The following MYT1L variants were observed in gnomAD, a reference collection of about 807,000 sequenced individuals.
The protein encoded by MYT1L is myelin transcription factor 1 like.
A neutral mutation model predicts 126.7 loss-of-function variants in MYT1L; 12 were observed. The ratio of observed to expected loss-of-function variants is 0.09; its 90% CI spans 0.06 to 0.15. The LOEUF (loss-of-function observed/expected upper bound fraction) is 0.15, where lower values mean the gene tolerates loss of function less well. Among genes scored for constraint, MYT1L ranks in the 10% least tolerant of loss-of-function variants. The pLI, the probability that MYT1L is intolerant of heterozygous loss-of-function variation, is 1.00. For missense variants in MYT1L, 979 were observed against 1,585.2 expected, an observed-to-expected ratio of 0.62 and a Z score of 6.49; for synonymous variants, 541 against 604.2, an observed-to-expected ratio of 0.90 and a Z score of 1.53.
At chr2:2,012,191 G>A (rs758688383) in intron 4 of MYT1L, among the ~76,000 whole-genome samples, 1 of 152,204 alleles carries the variant, frequency 6.6e-6, no homozygotes, top group Non-Finnish European at 1.5e-5. Flanking sequence ...ATCTACTGAT[G>A]AATGGACAAA....
rs182861434 is a variant in MYT1L at position 1,811,723 on chromosome 2, T to C, written c.3081-2556A>G. Among the ~76,000 whole-genome samples, 15 of 152,248 alleles carry C rather than the reference T, an allele frequency of 9.9e-5. No homozygotes were observed. Among genetic ancestry groups the C allele is most frequent in the African/African-American group, 3.6e-4 (15 of 41,538 alleles). ...AATCCCTGTGCTACTCAAGCTGTCT[T>C]TAGTGTGGGGCGTGAACGAACCCCT... On this transcript the variant is annotated intron_variant, in intron 21 of 24. Coordinates refer to ENST00000647738, the MANE Select transcript of MYT1L (RefSeq NM_001303052.2). The surrounding 1 kb of genome is among the most constrained non-coding windows in gnomAD (Gnocchi z 4.4).
intron 18 of MYT1L, among the ~76,000 whole-genome samples, chr2:1,876,985 C>T (rs1185560420): frequency 6.6e-6 from 1 of 152,188 alleles, no homozygotes; most frequent in Non-Finnish European, 1.5e-5. Flanking sequence ...TGACCAGGGT[C>T]CCACGGGAGG....
chr2:2,321,705 TA>T (rs897466713), intron 1 of MYT1L, among the ~76,000 whole-genome samples: 18 of 150,900 alleles, frequency 1.2e-4, no homozygotes, highest in East Asian at 7.7e-4. Flanking sequence ...GTCAATGTAC[TA>T]AAAAAAAAGA....
In MYT1L at chr2:2,146,700, A is replaced by T. The variant is rs74731318; in HGVS notation, c.-304+26172T>A. The stretch of plus-strand genomic sequence containing the variant: ...AACAAGTGCATCTACACAGTGAACA[A>T]TTTCCTATTGTTTCCATGCTTACTC... On this transcript the variant is annotated intron_variant, in intron 3 of 24. Transcript: ENST00000647738. Among the ~76,000 whole-genome samples the T allele has an allele frequency of 6.1e-3, 922 of 152,288 alleles. 12 individuals carry two copies. The highest frequency in any genetic ancestry group is 0.021 in the African/African-American group (887 of 41,550).
intron 2 of MYT1L, among the ~76,000 whole-genome samples, chr2:2,251,966 C>T (rs1228578942): frequency 6.6e-6 from 1 of 151,914 alleles, no homozygotes; most frequent in Non-Finnish European, 1.5e-5. Flanking sequence ...CAAGGCAAGG[C>T]AGGCAATGGG....
chr2:1,808,348 C>T (rs145457773), intron 22 of MYT1L, among the ~76,000 whole-genome samples: 3 of 152,304 alleles, frequency 2.0e-5, no homozygotes, highest in Admixed American at 6.5e-5. Context: ...CATCACAGCC[C>T]CCTGCCCTTA....
At chr2:2,192,854 A>T (rs1257295111) in intron 2 of MYT1L, among the ~76,000 whole-genome samples, 1 of 152,180 alleles carries the variant, frequency 6.6e-6, no homozygotes, top group Non-Finnish European at 1.5e-5. Flanking sequence ...CTAGCCAACG[A>T]GTCAAGGCTT....
At chr2:1,814,031 A>AG in intron 21 of MYT1L, among the ~76,000 whole-genome samples, 1 of 147,724 alleles carries the variant, frequency 6.8e-6, no homozygotes, top group Admixed American at 6.7e-5. Flanking sequence ...CGTCCCCAAA[A>AG]AAAAAAAAAA....
intron 20 of MYT1L, 78 bp from the exon 21 acceptor site, chr2:1,839,448 C>G: frequency 1.5e-6 from 2 of 1,313,002 alleles, no homozygotes; most frequent in East Asian, 2.3e-5. Context: ...GTCAGAATAA[C>G]CCGGCATGAA....
chr2:2,140,680 G>A (rs1024054587), intron 3 of MYT1L, among the ~76,000 whole-genome samples: 15 of 151,930 alleles, frequency 9.9e-5, no homozygotes, highest in South Asian at 2.1e-4. Flanking sequence ...ATGATCCGCC[G>A]CCTCGGCCTC....
intron 3 of MYT1L, among the ~76,000 whole-genome samples, chr2:2,087,081 T>A (rs1467592334): frequency 3.3e-5 from 5 of 152,182 alleles, no homozygotes; most frequent in Admixed American, 6.5e-5. Context: ...CACTGTCCCC[T>A]GCAACCAGGA....
At chr2:2,053,419 T>C (rs548055712) in intron 4 of MYT1L, among the ~76,000 whole-genome samples, 1 of 152,244 alleles carries the variant, frequency 6.6e-6, no homozygotes, top group Non-Finnish European at 1.5e-5. Context: ...TCATGTTATA[T>C]GTATTTTACA....
intron 13 of MYT1L, among the ~76,000 whole-genome samples, chr2:1,909,004 T>G (rs1028997933): frequency 2.6e-5 from 4 of 152,220 alleles, no homozygotes; most frequent in Admixed American, 2.0e-4. Flanking sequence ...GAAGGGAGTT[T>G]AATTACTACG....
In MYT1L at chr2:1,956,976, G is replaced by T. The variant is rs1240639102; in HGVS notation, c.153-13642C>A. On this transcript the variant is annotated intron_variant, in intron 8 of 24. Coordinates refer to ENST00000647738, the MANE Select transcript of MYT1L (RefSeq NM_001303052.2). ...AGTATCTCCATTCCATCTGTCTGCA[G>T]CCCGTGGCTCTGTGTGAGCAGGAAG... Among the ~76,000 whole-genome samples the T allele has an allele frequency of 8.5e-5, 13 of 152,198 alleles. No individual in the cohort carries two copies. In the East Asian group the frequency reaches 2.3e-3, roughly 27 times the overall value.
At chr2:2,004,462 A>G (rs1254359135) in intron 4 of MYT1L, among the ~76,000 whole-genome samples, 15 of 56,196 alleles carry the variant, frequency 2.7e-4, no homozygotes, top group Non-Finnish European at 3.9e-4. Flanking sequence ...TTCTTTCCTG[A>G]ATATGTTCTT....
At chr2:2,016,315 G>T (rs555977827) in intron 4 of MYT1L, among the ~76,000 whole-genome samples, 18 of 152,282 alleles carry the variant, frequency 1.2e-4, no homozygotes, top group African/African-American at 3.8e-4. Flanking sequence ...GGGTCAGGAA[G>T]TGGCTGTTTC....
chr2:2,081,218 G>A (rs779726253), intron 3 of MYT1L, among the ~76,000 whole-genome samples: 6 of 152,198 alleles, frequency 3.9e-5, no homozygotes, highest in Non-Finnish European at 8.8e-5. Context: ...AGACAGCAAA[G>A]GGAAAACAGG....
Position 2,299,517 on chromosome 2 carries a change from T to C in MYT1L, c.-520-15014A>G, listed in dbSNP as rs144965653. Reference sequence around the variant, plus strand: ...GTGAGGCAAGGGTGGGAGTTGGGGTTCTTGCTTGGAAAGGGAAATTTGCTC... The same window carrying C: ...GTGAGGCAAGGGTGGGAGTTGGGGTCCTTGCTTGGAAAGGGAAATTTGCTC... On this transcript the variant is annotated intron_variant, in intron 1 of 24. Transcript: ENST00000647738. Among the ~76,000 whole-genome samples the C allele has an allele frequency of 2.8e-4, 42 of 152,354 alleles. No individual in the cohort carries two copies. The East Asian group carries it at 6.9e-3, about 25-fold the overall frequency.
chr2:2,077,440 A>G (rs2150288207), intron 3 of MYT1L, among the ~76,000 whole-genome samples: 1 of 152,330 alleles, frequency 6.6e-6, no homozygotes, highest in Admixed American at 6.5e-5. Context: ...TTTTTTTGAA[A>G]GTTGCAAGAT....
Sources: gnomAD v4.1 joint callset for allele counts (sites outside exome capture counted in the v4.1 genomes callset) on GRCh38, gnomAD v4.1.1 for gene constraint, Gnocchi (gnomAD v3.1) non-coding constraint, MANE v1.5 for transcripts, NCBI Gene and HGNC (gene_info 2026-07-23, HGNC 2026-07-21) for gene names.